MED1: variants seen among roughly 807,000 people sequenced by gnomAD.
The protein encoded by MED1 is mediator complex subunit 1, also known as mediator of RNA polymerase II transcription subunit 1.
In MED1, 17 loss-of-function variants were observed where a neutral mutation model predicts 121.3. The observed-to-expected ratio is 0.14, with a 90% confidence interval of 0.10 to 0.21. MED1 has a LOEUF of 0.21. Ranked by LOEUF, MED1 falls within the 10% of genes least tolerant of loss-of-function variation. The pLI is 1.00. For synonymous variants in MED1, 661 were observed against 694.4 expected (o/e 0.95, Z 0.76); for missense variants, 1,558 against 1,919.4 (o/e 0.81, Z 3.52).
chr17:39,446,820 T>C (rs1478722329), intron 2 of MED1, among the ~76,000 whole-genome samples: 1 of 150,584 alleles, frequency 6.6e-6, no homozygotes, highest in East Asian at 1.9e-4. Flanking sequence ...ATGCACCTGT[T>C]GTTCCAGATA....
intron 7 of MED1, among the ~76,000 whole-genome samples, 195 bp downstream of exon 7, chr17:39,434,054 A>G (rs1465821985): frequency 6.6e-6 from 1 of 152,152 alleles, no homozygotes; most frequent in Non-Finnish European, 1.5e-5. Flanking sequence ...CAGCATTATG[A>G]TCGATTAATG....
intron 10 of MED1, chr17:39,427,452 T>C: frequency 4.4e-6 from 1 of 227,216 alleles, no homozygotes; most frequent in South Asian, 6.9e-5. Flanking sequence ...AGTGCTGGGA[T>C]TACAGGCGTG....
chr17:39,421,659 G>A (rs1359129701), intron 13 of MED1, among the ~76,000 whole-genome samples: 2 of 152,098 alleles, frequency 1.3e-5, no homozygotes, highest in Non-Finnish European at 2.9e-5. Context: ...AAAGTGCTGG[G>A]ATTACAGGTG....
rs929658740 is a variant in MED1, at chr17:39,406,258, A to C, written c.*1217T>G. On this transcript the variant is annotated 3_prime_UTR_variant, in exon 17 of 17. Coordinates refer to ENST00000300651, the MANE Select transcript of MED1 (RefSeq NM_004774.4). ...CCATTACTTCAAAAGTGAGCTTGAA[A>C]TTGTTTTAAGTGAACTATGGCTGCG... The C allele has an allele frequency of 1.6e-5, 16 of 985,556 alleles. No individual in the cohort carries two copies. In the Admixed American group the frequency reaches 5.5e-4, roughly 34 times the overall value. 61.1% of individuals were successfully genotyped at this position (985,556 alleles called of 1,614,324 possible).
chr17:39,450,931 C>T (rs2048776287), intron 1 of MED1, 107 bp downstream of exon 1: 1 of 925,276 alleles, frequency 1.1e-6, no homozygotes, highest in Admixed American at 2.2e-5. Context: ...CTCTCCTGGA[C>T]TCTATGCCCC....
At chr17:39,448,673 G>T (rs1198735688) in intron 1 of MED1, among the ~76,000 whole-genome samples, 1 of 152,156 alleles carries the variant, frequency 6.6e-6, no homozygotes. Context: ...ACTTTGGGAG[G>T]CCAAGGCGGG....
rs2048570808 is a variant in MED1, at chr17:39,432,161, G to A, written c.501-145C>T. ...AGTTTGAGACCGGCCTGGCCAACAT[G>A]GCAAAACCCCATCTCTACTAAAACT... is the stretch of plus-strand genomic sequence containing the variant. On this transcript the variant is annotated intron_variant, in intron 7 of 16. Transcript: ENST00000300651. 7.6e-6 allele frequency: 4 copies of A among 525,342 alleles called. No homozygotes were observed. In the South Asian group the frequency reaches 8.0e-5, roughly 10 times the overall value. The allele number at this position is 525,342 out of a possible 1,614,324, so 32.5% of individuals were successfully genotyped here. A position where few individuals can be genotyped will look rare whatever the true frequency, so the allele number is the denominator to read the frequency against.
chr17:39,421,589 C>T (rs542439368), intron 13 of MED1, among the ~76,000 whole-genome samples: 7 of 151,842 alleles, frequency 4.6e-5, no homozygotes, highest in East Asian at 1.9e-4. Flanking sequence ...GATTTTGCCA[C>T]GTTGCCCAGG....
rs2048303476 is a variant in MED1, at chr17:39,406,349, T to C, written c.*1126A>G. ...GATTAAAGTTTGGACTCCTTCTCCTTGTGATGAAGAGAAACAGTGAGTCCA... is the reference window on the plus strand; with the variant it reads ...GATTAAAGTTTGGACTCCTTCTCCTCGTGATGAAGAGAAACAGTGAGTCCA... On this transcript the variant is annotated 3_prime_UTR_variant, in exon 17 of 17. Coordinates refer to ENST00000300651, the MANE Select transcript of MED1 (RefSeq NM_004774.4). 8.1e-6 allele frequency: 8 copies of C among 985,440 alleles called. No homozygotes were observed. The African/African-American group carries it at 1.4e-4, about 17-fold the overall frequency. 61.0% of individuals were successfully genotyped at this position (985,440 alleles called of 1,614,324 possible).
At position 39,451,119 on chromosome 17, in the gene MED1, T is replaced by A; in HGVS notation, c.-57A>T. 1 of 1,593,264 alleles carries A rather than the reference T, an allele frequency of 6.3e-7. No individual in the cohort carries two copies. The highest frequency in any genetic ancestry group is 8.6e-7 in the Non-Finnish European group (1 of 1,167,804). Reference sequence around the variant, plus strand: ...AAAAGGATAAGCCCTTCCCCACCACTAACGGAGGAAACAAGTTGGCTCGGG... The same window carrying A: ...AAAAGGATAAGCCCTTCCCCACCACAAACGGAGGAAACAAGTTGGCTCGGG... On this transcript the variant is annotated 5_prime_UTR_variant, in exon 1 of 17. Coordinates refer to ENST00000300651, the MANE Select transcript of MED1 (RefSeq NM_004774.4).
At chr17:39,444,165 A>C (rs1177216826) in intron 2 of MED1, among the ~76,000 whole-genome samples, 2 of 152,260 alleles carry the variant, frequency 1.3e-5, no homozygotes, top group East Asian at 3.9e-4. Context: ...ATTTGCATGT[A>C]ATCTGAGAAA....
rs1426456503 is a variant in MED1 at position 39,423,458 on chromosome 17, GA to G, written c.977-14del. On this transcript the variant is annotated splice_polypyrimidine_tract_variant and intron_variant, in intron 12 of 16. Coordinates refer to ENST00000300651, the MANE Select transcript of MED1 (RefSeq NM_004774.4). ...AACAATGGAATTCCTGGAAAAACAA[GA>G]ATCAATATAATGATCATGTTAAGAT... is the stretch of plus-strand genomic sequence containing the variant. 6.3e-7 allele frequency: 1 copy of G among 1,579,156 alleles called. No homozygotes were observed. Among genetic ancestry groups the G allele is most frequent in the East Asian group, 2.2e-5 (1 of 44,702 alleles).
chr17:39,444,213 A>C (rs2048705091), intron 2 of MED1, among the ~76,000 whole-genome samples: 1 of 152,168 alleles, frequency 6.6e-6, no homozygotes, highest in African/African-American at 2.4e-5. Flanking sequence ...TGACTCTAAA[A>C]AACAGAACAT....
At chr17:39,418,341 C>T (rs1414108525) in intron 14 of MED1, among the ~76,000 whole-genome samples, 1 of 127,078 alleles carries the variant, frequency 7.9e-6, no homozygotes, top group Non-Finnish European at 1.8e-5. Flanking sequence ...GAGTTACAGA[C>T]GAACATGGGC....
intron 7 of MED1, among the ~76,000 whole-genome samples, chr17:39,433,225 C>T (rs750944521): frequency 3.3e-5 from 5 of 151,446 alleles, no homozygotes; most frequent in Admixed American, 1.3e-4. Flanking sequence ...AATAATTAGC[C>T]GGGCGTGGTG....
At chr17:39,435,619 CA>C (rs1255402308) in intron 6 of MED1, among the ~76,000 whole-genome samples, 2 of 152,100 alleles carry the variant, frequency 1.3e-5, no homozygotes, top group African/African-American at 4.8e-5. Context: ...CGAGTAGCAG[CA>C]AAATATATTC....
intron 1 of MED1, among the ~76,000 whole-genome samples, chr17:39,448,182 G>T (rs984701705): frequency 1.3e-5 from 2 of 148,950 alleles, no homozygotes; most frequent in African/African-American, 5.0e-5. Flanking sequence ...TGATGACCAG[G>T]CTGGAGTGTC....
rs2048743038 is a variant in MED1 at position 39,447,846 on chromosome 17, G to C, written c.84C>G (p.Asn28Lys). 6.2e-7 allele frequency: 1 copy of C among 1,613,822 alleles called. No homozygotes were observed. Among genetic ancestry groups the C allele is most frequent in the African/African-American group, 1.3e-5 (1 of 75,020 alleles). The change falls in exon 2 of 17, where the codon AAC becomes AAG. Residue 28 changes from asparagine to lysine, a missense_variant. By Grantham distance (94) the Asn-to-Lys change is moderately conservative. Around this residue, in one of 5 missense-constraint regions of MED1, gnomAD observed 443 missense variants for 532.4 expected, o/e 0.83. Transcript: ENST00000300651. ...TGGTTTCACTCCAGGGTCTATTTTGGTTAAATTTTGCATGGAGCCGTTCCA... is the reference window on the plus strand; with the variant it reads ...TGGTTTCACTCCAGGGTCTATTTTGCTTAAATTTTGCATGGAGCCGTTCCA... ...SLLERLHAKF[N>K]QNRPWSETIK...
Position 39,408,318 on chromosome 17 carries a change from C to T in MED1, c.3903G>A (p.Pro1301=), listed in dbSNP as rs746627735. The change falls in exon 17 of 17, where the codon CCG becomes CCA. Residue 1301 remains proline (P), a synonymous_variant. Transcript: ENST00000300651. This position sits in a 1 kb window ranked among gnomAD's most constrained non-coding sequence, Gnocchi z 4.7. The part of the protein sequence containing the change: ...KGKSPSRNKK[P]SLTAVIDKLK... Reference sequence around the variant, plus strand: ...GTTTATCTATGACAGCTGTCAAGGACGGCTTCTTGTTTCTGCTGGGAGATT... The same window carrying T: ...GTTTATCTATGACAGCTGTCAAGGATGGCTTCTTGTTTCTGCTGGGAGATT... 48 of 1,613,996 alleles carry T rather than the reference C, an allele frequency of 3.0e-5. No individual in the cohort carries two copies. Among genetic ancestry groups the T allele is most frequent in the South Asian group, 2.6e-4 (24 of 91,086 alleles).
Sources: allele counts gnomAD v4.1 joint callset (sites outside exome capture counted in the v4.1 genomes callset), GRCh38; gene constraint gnomAD v4.1.1; regional missense constraint gnomAD v4.1.1; non-coding constraint Gnocchi (gnomAD v3.1); transcripts MANE v1.5; gene names NCBI Gene and HGNC (gene_info 2026-07-23, HGNC 2026-07-21).